Variants in SCNN1A observed in about 807,000 individuals in gnomAD.
The protein encoded by SCNN1A is epithelial sodium channel subunit alpha.
SCNN1A carries 65 observed loss-of-function variants against 68.6 expected under a neutral mutation model. The observed-to-expected ratio is 0.95, with a 90% CI of 0.78 to 1.16. SCNN1A has a LOEUF of 1.16. Among genes scored for constraint, SCNN1A ranks in the 50% most tolerant of loss-of-function variants. SCNN1A has a pLI of 0.00. For synonymous variants in SCNN1A, 357 were observed against 353.3 expected (o/e 1.01, Z -0.12); for missense variants, 880 against 865.9 (o/e 1.02, Z -0.20).
At chr12:6,375,129 T>C in intron 1 of SCNN1A, 2 of 1,480,972 alleles carry the variant, frequency 1.4e-6, no homozygotes, top group Non-Finnish European at 1.8e-6. Flanking sequence ...TCCTAGCACC[T>C]CCCTTTCTGT....
In SCNN1A at chr12:6,362,153, T is replaced by G; in HGVS notation, c.773A>C (p.Asn258Thr). Residue 258 changes from asparagine to threonine, a missense_variant, in exon 4 of 13, where the codon AAC (asparagine) becomes ACC (threonine). Transcript: ENST00000228916. ...AGTCTCTGGCAGCCTCGACAGGATG[T>G]TGATGTAGTGGAAGCGGTACCACTC... is the stretch of plus-strand genomic sequence containing the variant. Reference protein sequence around the residue: ...VREWYRFHYINILSRLPETLP... With the variant: ...VREWYRFHYITILSRLPETLP... 6.2e-7 allele frequency: 1 copy of G among 1,614,198 alleles called. No individual in the cohort carries two copies. Among genetic ancestry groups the G allele is most frequent in the East Asian group, 2.2e-5 (1 of 44,884 alleles).
intron 2 of SCNN1A, among the ~76,000 whole-genome samples, chr12:6,365,219 C>T (rs947473329): frequency 2.0e-5 from 3 of 152,044 alleles, no homozygotes; most frequent in African/African-American, 4.8e-5. Flanking sequence ...GGTTTCACCA[C>T]GTTGCCCAGG....
At chr12:6,366,042 G>A (rs1375741352) in intron 2 of SCNN1A, among the ~76,000 whole-genome samples, 1 of 152,068 alleles carries the variant, frequency 6.6e-6, no homozygotes, top group Non-Finnish European at 1.5e-5. Context: ...TTTTAGTAGA[G>A]ACGGGGTTTC....
intron 1 of SCNN1A, chr12:6,375,265 C>T (rs1036710692): frequency 2.1e-6 from 3 of 1,438,438 alleles, no homozygotes; most frequent in South Asian, 1.5e-5. Context: ...TGGCCTGCCT[C>T]CTCTCTCTAA....
At chr12:6,367,799 C>A (rs1948705708) in intron 2 of SCNN1A, among the ~76,000 whole-genome samples, 1 of 152,200 alleles carries the variant, frequency 6.6e-6, no homozygotes, top group South Asian at 2.1e-4. Flanking sequence ...TGGGTCTGGG[C>A]TGGAGCCAGA....
At chr12:6,360,053 G>T (rs1484205094) in intron 4 of SCNN1A, among the ~76,000 whole-genome samples, 1 of 152,172 alleles carries the variant, frequency 6.6e-6, no homozygotes, top group Non-Finnish European at 1.5e-5. Flanking sequence ...TTACAGGCAT[G>T]AGCCACCGTG....
In SCNN1A at chr12:6,370,725, C is replaced by T. The variant is rs558685187; in HGVS notation, c.416+3643G>A. 1.2e-4 allele frequency among the ~76,000 whole-genome samples: 18 copies of T among 152,342 alleles called. No individual in the cohort carries two copies. In the East Asian group the frequency reaches 3.1e-3, roughly 26 times the overall value. Reference sequence around the variant, plus strand: ...TCTGGGGACCACAGGCAGGGACGGCCTCCCTAGCTCAGGGCTTTCCCATCC... The same window carrying T: ...TCTGGGGACCACAGGCAGGGACGGCTTCCCTAGCTCAGGGCTTTCCCATCC... On this transcript the variant is annotated intron_variant, in intron 2 of 12. Transcript: ENST00000228916.
intron 4 of SCNN1A, 70 bp downstream of exon 4, chr12:6,361,981 T>A: frequency 2.0e-6 from 3 of 1,503,224 alleles, no homozygotes; most frequent in South Asian, 1.1e-5. Context: ...GCCCTGCCCA[T>A]GCAGGGCGTG....
At chr12:6,371,681 A>G (rs1443872331) in intron 2 of SCNN1A, among the ~76,000 whole-genome samples, 1 of 152,126 alleles carries the variant, frequency 6.6e-6, no homozygotes, top group Non-Finnish European at 1.5e-5. Context: ...TCCATAAAAT[A>G]AGAGTCATCA....
chr12:6,377,274 C>T (rs1948928276), upstream of SCNN1A: 2 of 1,550,618 alleles, frequency 1.3e-6, no homozygotes. Flanking sequence ...CATGATACCT[C>T]CCCTTGGAAG....
chr12:6,350,040 A>C (rs955330322), intron 8 of SCNN1A: 16 of 183,750 alleles, frequency 8.7e-5, no homozygotes, highest in Non-Finnish European at 1.6e-4. Context: ...AAATAAATTA[A>C]TAAAGAAAGA....
rs1464775593 is a variant in SCNN1A, at chr12:6,374,952, C to T, written c.-54-115G>A. On this transcript the variant is annotated intron_variant, in intron 1 of 12. Transcript: ENST00000228916. This position sits in a 1 kb window ranked among gnomAD's most constrained non-coding sequence, Gnocchi z 6.2. ...GAACCCGAGTGAGGCTGCCCCTGGC[C>T]ATGCCCATGTCCCACCCTGCGCCCA... 4 of 1,575,474 alleles carry T rather than the reference C, an allele frequency of 2.5e-6. No individual in the cohort carries two copies. Among genetic ancestry groups the T allele is most frequent in the Non-Finnish European group, 3.4e-6 (4 of 1,159,954 alleles).
At chr12:6,348,689 C>T (rs1301587519) in intron 12 of SCNN1A, 38 bp downstream of exon 12, 9 of 1,556,802 alleles carry the variant, frequency 5.8e-6, no homozygotes, top group Admixed American at 3.3e-5. Flanking sequence ...TAAGTAAGAC[C>T]CCCAGAGCAT....
At chr12:6,363,858 G>C in intron 2 of SCNN1A, 148 bp from the exon 3 acceptor site, 1 of 665,112 alleles carries the variant, frequency 1.5e-6, no homozygotes, top group Admixed American at 3.6e-5. Context: ...GCGCCTCCTG[G>C]CCGTCCGGCG....
intron 4 of SCNN1A, among the ~76,000 whole-genome samples, chr12:6,358,895 C>T (rs1438383483): frequency 6.8e-6 from 1 of 146,774 alleles, no homozygotes; most frequent in African/African-American, 2.5e-5. Context: ...TGTATCTACA[C>T]AATATCATAG....
Position 6,374,998 on chromosome 12 carries a change from C to T in SCNN1A, c.-54-161G>A. 6.5e-7 allele frequency: 1 copy of T among 1,549,480 alleles called. No homozygotes were observed. Among genetic ancestry groups the T allele is most frequent in the Non-Finnish European group, 8.7e-7 (1 of 1,147,578 alleles). ...GCCCACATTCTCCCACTCCTCCCTC[C>T]CTCCTCCACCTTTCCTGGAGCCAGC... is the stretch of plus-strand genomic sequence containing the variant. On this transcript the variant is annotated intron_variant, in intron 1 of 12. Transcript: ENST00000228916. This position sits in a 1 kb window ranked among gnomAD's most constrained non-coding sequence, Gnocchi z 6.2.
At chr12:6,362,292 C>T (rs755747757) in intron 3 of SCNN1A, 51 bp from the exon 4 acceptor site, 16 of 1,525,992 alleles carry the variant, frequency 1.0e-5, no homozygotes, top group South Asian at 2.2e-5. Flanking sequence ...GGATAAGCCC[C>T]TTGGCAGGGC....
At chr12:6,364,660 G>A (rs1948645640) in intron 2 of SCNN1A, among the ~76,000 whole-genome samples, 1 of 152,010 alleles carries the variant, frequency 6.6e-6, no homozygotes, top group South Asian at 2.1e-4. Flanking sequence ...TACTCGGGAG[G>A]CTGAGGCAGG....
In SCNN1A at chr12:6,369,203, C is replaced by T. The variant is rs572193474; in HGVS notation, c.416+5165G>A. 9.2e-5 allele frequency among the ~76,000 whole-genome samples: 14 copies of T among 152,144 alleles called. No homozygotes were observed. In the East Asian group the frequency reaches 2.7e-3, roughly 29 times the overall value. On this transcript the variant is annotated intron_variant, in intron 2 of 12. Coordinates refer to ENST00000228916, the MANE Select transcript of SCNN1A (RefSeq NM_001038.6). ...TCTGGTTGTCACTTCTCTGGCCACA[C>T]TCCTCTCCCCTGGGGAGCCCCCATG...
Sources: gnomAD v4.1 joint callset for allele counts (sites outside exome capture counted in the v4.1 genomes callset) on GRCh38, gnomAD v4.1.1 for gene constraint, Gnocchi (gnomAD v3.1) non-coding constraint, MANE v1.5 for transcripts, NCBI Gene and HGNC (gene_info 2026-07-23, HGNC 2026-07-21) for gene names.